CUX1: variants seen among roughly 807,000 people sequenced by gnomAD.
The protein encoded by CUX1 is cut like homeobox 1.
CUX1 carries 31 observed loss-of-function variants against 158.8 expected under a neutral mutation model. The ratio of observed to expected loss-of-function variants is 0.20; its 90% CI spans 0.15 to 0.26. The LOEUF is 0.26. CUX1 is among the 10% of genes least tolerant of loss of function. CUX1 has a pLI of 1.00. For missense variants in CUX1, 1,589 were observed against 2,014.6 expected, an observed-to-expected ratio of 0.79 and a Z score of 4.04; for synonymous variants, 879 against 862.1, an observed-to-expected ratio of 1.02 and a Z score of -0.34.
intron 4 of CUX1, among the ~76,000 whole-genome samples, chr7:102,076,259 C>T (rs879975806): frequency 2.0e-5 from 3 of 152,174 alleles, no homozygotes; most frequent in South Asian, 2.1e-4. Flanking sequence ...GTGGTGGGCA[C>T]CTGTAATCCC....
chr7:101,896,496 C>T (rs1801535279), intron 1 of CUX1, among the ~76,000 whole-genome samples: 1 of 152,176 alleles, frequency 6.6e-6, no homozygotes, highest in African/African-American at 2.4e-5. Context: ...CAGCTCTGCT[C>T]CTCAGGGGAA....
intron 8 of CUX1, among the ~76,000 whole-genome samples, chr7:102,130,090 T>C (rs1169041065): frequency 6.6e-6 from 1 of 152,196 alleles, no homozygotes; most frequent in African/African-American, 2.4e-5. Context: ...GAGGTGCTAT[T>C]TGTTGAGGAA....
intron 2 of CUX1, among the ~76,000 whole-genome samples, chr7:101,925,196 C>A (rs1805445956): frequency 6.6e-6 from 1 of 152,096 alleles, no homozygotes; most frequent in Admixed American, 6.5e-5. Context: ...GAAACCTCTG[C>A]CTCCCAGGCT....
At chr7:102,048,277 G>A (rs770477518) in intron 3 of CUX1, among the ~76,000 whole-genome samples, 1 of 152,104 alleles carries the variant, frequency 6.6e-6, no homozygotes, top group African/African-American at 2.4e-5. Context: ...TTATGCCCGG[G>A]CAAATGCCAC....
chr7:101,817,725 A>AT lies in CUX1; in HGVS notation c.30+57dup, dbSNP rs1792028543. ...GTTGCAGGCGCGGAGGGAACCGGGG[A>AT]TGTCGGGGGGTGCCCGGGTCCCGCG... is the stretch of plus-strand genomic sequence containing the variant. On this transcript the variant is annotated intron_variant, in intron 1 of 23. Coordinates refer to ENST00000292535, the MANE Select transcript of CUX1 (RefSeq NM_181552.4). The surrounding 1 kb of genome is among the most constrained non-coding windows in gnomAD (Gnocchi z 4.1). 6.5e-7 allele frequency: 1 copy of AT among 1,541,342 alleles called. No homozygotes were observed. The highest frequency in any genetic ancestry group is 8.7e-7 in the Non-Finnish European group (1 of 1,143,128).
Position 102,170,567 on chromosome 7 carries a change from C to T in CUX1, c.828+17C>T, listed in dbSNP as rs782327805. 1.9e-6 allele frequency: 3 copies of T among 1,545,046 alleles called. No homozygotes were observed. The highest frequency in any genetic ancestry group is 2.6e-6 in the Non-Finnish European group (3 of 1,137,958). ...CCAGACGTGGTGGGTAGCCCCGGCC[C>T]CGTGGGGGACTGTCCCCGCCTGGCC... On this transcript the variant is annotated intron_variant, in intron 10 of 23. Coordinates refer to ENST00000292535, the MANE Select transcript of CUX1 (RefSeq NM_181552.4).
At chr7:102,079,357 G>A (rs1554477712) in intron 4 of CUX1, among the ~76,000 whole-genome samples, 1 of 151,870 alleles carries the variant, frequency 6.6e-6, no homozygotes, top group Non-Finnish European at 1.5e-5. Context: ...AGAATCGCTT[G>A]AACCTGGGAG....
chr7:102,125,144 A>G (rs9886316), intron 8 of CUX1, among the ~76,000 whole-genome samples: 227 of 152,162 alleles, frequency 1.5e-3, no homozygotes, highest in African/African-American at 5.3e-3. Context: ...CACTCTGTAC[A>G]CCACAGGCTT....
chr7:101,873,440 A>G (rs559092122), intron 1 of CUX1, among the ~76,000 whole-genome samples: 4 of 148,570 alleles, frequency 2.7e-5, no homozygotes, highest in Non-Finnish European at 5.9e-5. Flanking sequence ...CTCCCACCTC[A>G]GCCTCCCAAA....
At chr7:101,966,605 A>ATGGGTGGGAATGTCC (rs1585118514) in intron 2 of CUX1, among the ~76,000 whole-genome samples, 1 of 152,036 alleles carries the variant, frequency 6.6e-6, no homozygotes, top group East Asian at 1.9e-4. Flanking sequence ...GGAGCTTTAG[A>ATGGGTGGGAATGTCC]TGGGTGGGAA....
intron 1 of CUX1, among the ~76,000 whole-genome samples, chr7:101,861,564 G>A (rs1797459971): frequency 6.6e-6 from 1 of 151,540 alleles, no homozygotes; most frequent in African/African-American, 2.4e-5. Context: ...TCTACTGAGG[G>A]TGGGACAGGC....
At chr7:102,143,351 C>T (rs1383251623) in intron 8 of CUX1, among the ~76,000 whole-genome samples, 2 of 152,200 alleles carry the variant, frequency 1.3e-5, no homozygotes, top group Admixed American at 6.6e-5. Flanking sequence ...TCACTGCAGC[C>T]TCCAACTCCT....
In CUX1 at chr7:102,253,072, T is replaced by C. The variant is rs1338721000; in HGVS notation, c.*4030T>C. ...CAGTCGACAGCCTCCCTGGGGTAGA[T>C]CCCTTGTACCTCCAAAGTACAAATA... On this transcript the variant is annotated 3_prime_UTR_variant, in exon 24 of 24. Transcript: ENST00000292535. 1.4e-5 allele frequency: 14 copies of C among 985,446 alleles called. No individual in the cohort carries two copies. Among genetic ancestry groups the C allele is most frequent in the Non-Finnish European group, 1.7e-5 (14 of 829,930 alleles). 61.0% of individuals were successfully genotyped at this position (985,446 alleles called of 1,614,324 possible).
chr7:102,201,333 C>T lies in CUX1; in HGVS notation c.2063-27C>T, dbSNP rs1230646758. 1.2e-6 allele frequency: 2 copies of T among 1,601,904 alleles called. No homozygotes were observed. The highest frequency in any genetic ancestry group is 1.7e-5 in the Admixed American group (1 of 59,560). The stretch of plus-strand genomic sequence containing the variant: ...CCAGCTGAAGGGGGCCGCCCTGCCA[C>T]ACTCTCACCCCTGTTTCTCCATGCA... On this transcript the variant is annotated intron_variant, in intron 17 of 23. Coordinates refer to ENST00000292535, the MANE Select transcript of CUX1 (RefSeq NM_181552.4). This position sits in a 1 kb window ranked among gnomAD's most constrained non-coding sequence, Gnocchi z 5.0.
intron 2 of CUX1, among the ~76,000 whole-genome samples, chr7:101,956,138 C>CA (rs11462111): frequency 0.44 from 28,262 of 64,702 alleles, 7,057 homozygotes; most frequent in Middle Eastern, 0.53. Flanking sequence ...GCCCACGTCT[C>CA]AAAAAAAAAA....
intron 8 of CUX1, among the ~76,000 whole-genome samples, chr7:102,127,920 T>C (rs1832822004): frequency 6.6e-6 from 1 of 152,242 alleles, no homozygotes; most frequent in South Asian, 2.1e-4. Context: ...TGATCTCGGC[T>C]CACTGCAACC....
intron 3 of CUX1, among the ~76,000 whole-genome samples, chr7:102,030,235 T>C (rs1489447743): frequency 2.6e-5 from 4 of 152,106 alleles, no homozygotes; most frequent in African/African-American, 9.7e-5. Flanking sequence ...TGGTCTCTCA[T>C]TCCTGACCTC....
chr7:101,865,429 T>C (rs1797845630), intron 1 of CUX1, among the ~76,000 whole-genome samples: 1 of 152,250 alleles, frequency 6.6e-6, no homozygotes, highest in Non-Finnish European at 1.5e-5. Flanking sequence ...TAAATCTTCA[T>C]TTCTTTCAGC....
intron 12 of CUX1, among the ~76,000 whole-genome samples, chr7:102,191,798 C>T (rs1794308540): frequency 6.6e-6 from 1 of 151,784 alleles, no homozygotes; most frequent in Admixed American, 6.6e-5. Flanking sequence ...TCTTGCTCCT[C>T]CTCCTCCTCC....
Sources: allele counts gnomAD v4.1 joint callset (sites outside exome capture counted in the v4.1 genomes callset), GRCh38; gene constraint gnomAD v4.1.1; non-coding constraint Gnocchi (gnomAD v3.1); transcripts MANE v1.5; gene names NCBI Gene and HGNC (gene_info 2026-07-23, HGNC 2026-07-21).